FGF14: variants seen among roughly 807,000 people sequenced by gnomAD.
FGF14 encodes the protein fibroblast growth factor homologous factor 4.
In FGF14, 5 loss-of-function variants were observed where a neutral mutation model predicts 25.5. The observed-to-expected ratio is 0.20, with a 90% CI of 0.10 to 0.41. The LOEUF (loss-of-function observed/expected upper bound fraction) is 0.41. Among genes scored for constraint, FGF14 ranks in the 10% least tolerant of loss-of-function variants. The pLI is 1.00. For missense variants in FGF14, 222 were observed against 320.1 expected (o/e 0.69, Z 2.34); for synonymous variants, 138 against 118.3 (o/e 1.17, Z -1.08).
chr13:101,748,733 A>C (rs2037060502), intron 3 of FGF14, among the ~76,000 whole-genome samples: 2 of 143,084 alleles, frequency 1.4e-5, no homozygotes, highest in African/African-American at 5.1e-5. Flanking sequence ...TAAGGAAAAG[A>C]GTATGGAGGT....
At chr13:101,978,071 T>C (rs1340018955) in intron 1 of FGF14, among the ~76,000 whole-genome samples, 4 of 152,218 alleles carry the variant, frequency 2.6e-5, no homozygotes, top group Admixed American at 1.3e-4. Flanking sequence ...TCTAGGACTC[T>C]GTGATTAACT....
At chr13:102,174,093 A>G (rs1275804293) in intron 1 of FGF14, among the ~76,000 whole-genome samples, 1 of 151,828 alleles carries the variant, frequency 6.6e-6, no homozygotes, top group Non-Finnish European at 1.5e-5. Context: ...ACTTCAATAT[A>G]GTTTCAGGAT....
At chr13:102,011,974 G>A (rs550036921) in intron 1 of FGF14, among the ~76,000 whole-genome samples, 117 of 152,204 alleles carry the variant, frequency 7.7e-4, no homozygotes, top group African/African-American at 2.5e-3. Flanking sequence ...TAATAAATTC[G>A]TTCTTTTATT....
intron 1 of FGF14, among the ~76,000 whole-genome samples, chr13:102,147,014 C>T (rs2046882882): frequency 1.3e-5 from 2 of 152,152 alleles, no homozygotes; most frequent in African/African-American, 4.8e-5. Context: ...CAGTGATGCT[C>T]ATTGATGGAA....
intron 1 of FGF14, among the ~76,000 whole-genome samples, chr13:102,190,027 G>A (rs554413026): frequency 6.6e-6 from 1 of 152,248 alleles, no homozygotes; most frequent in East Asian, 1.9e-4. Context: ...ACATTTCAAC[G>A]AGATGTTGAG....
At chr13:102,005,495 A>G (rs2039735674) in intron 1 of FGF14, among the ~76,000 whole-genome samples, 1 of 152,150 alleles carries the variant, frequency 6.6e-6, no homozygotes, top group African/African-American at 2.4e-5. Context: ...CCAATATGCT[A>G]TGTATGTTTT....
intron 1 of FGF14, among the ~76,000 whole-genome samples, chr13:102,317,427 A>T (rs553829964): frequency 6.6e-6 from 1 of 152,142 alleles, no homozygotes; most frequent in Admixed American, 6.5e-5. Context: ...GAACCAACTG[A>T]TATGTTCCTT....
intron 1 of FGF14, among the ~76,000 whole-genome samples, chr13:102,040,013 AG>A (rs2139990963): frequency 1.3e-5 from 2 of 152,190 alleles, no homozygotes; most frequent in South Asian, 4.2e-4. Flanking sequence ...ATCACGTTCC[AG>A]GGCTCTAAAA....
intron 1 of FGF14, among the ~76,000 whole-genome samples, chr13:101,927,264 T>G (rs2034428416): frequency 1.3e-5 from 2 of 152,192 alleles, no homozygotes; most frequent in African/African-American, 4.8e-5. Flanking sequence ...TATATATACA[T>G]AAAATATTTG....
intron 3 of FGF14, among the ~76,000 whole-genome samples, chr13:101,833,711 T>C (rs1458698242): frequency 6.6e-6 from 1 of 152,096 alleles, no homozygotes; most frequent in African/African-American, 2.4e-5. Context: ...ATTTGCTTGA[T>C]GTTGGCTAGT....
At chr13:102,176,166 C>A (rs977880775) in intron 1 of FGF14, among the ~76,000 whole-genome samples, 1 of 152,062 alleles carries the variant, frequency 6.6e-6, no homozygotes, top group African/African-American at 2.4e-5. Flanking sequence ...TGAAGTCAAC[C>A]TAAATGTTTA....
chr13:102,190,668 T>G (rs987877338), intron 1 of FGF14, among the ~76,000 whole-genome samples: 1 of 152,076 alleles, frequency 6.6e-6, no homozygotes, highest in Non-Finnish European at 1.5e-5. Context: ...TCAATTAAAT[T>G]AATATACTCA....
Position 102,161,681 on chromosome 13 carries a change from A to AGAAGAAGAAGAAGAAGAAGAAGAAGAG in FGF14, c.208+239789_208+239790insCTCTTCTTCTTCTTCTTCTTCTTCTTC, listed in dbSNP as rs2047759519. ...AAGAAGAAGAAGAAGAAGAAGAAGA[A>AGAAGAAGAAGAAGAAGAAGAAGAAGAG]GAAGAAGAAGAAGAAGAAGAAGAAG... On this transcript the variant is annotated intron_variant, in intron 1 of 4. Transcript: ENST00000376131. Among the ~76,000 whole-genome samples, 4 of 52,178 alleles carry AGAAGAAGAAGAAGAAGAAGAAGAAGAG rather than the reference A, an allele frequency of 7.7e-5. 1 individual carries two copies. The allele number at this position is 52,178 out of a possible 152,430, so 34.2% of individuals were successfully genotyped here. A position where few individuals can be genotyped will look rare whatever the true frequency, so the allele number is the denominator to read the frequency against.
Position 101,846,697 on chromosome 13 carries a change from T to G in FGF14, c.408+22028A>C, listed in dbSNP as rs180828895. On this transcript the variant is annotated intron_variant, in intron 3 of 4. Transcript: ENST00000376143. ...CGTCTACATACTAAGATAGCCAGAG[T>G]GGCTGTTTCAGAATTTATTATATCA... Among the ~76,000 whole-genome samples, 1,061 of 152,092 alleles carry G rather than the reference T, an allele frequency of 7.0e-3. 15 individuals carry two copies. Among genetic ancestry groups the G allele is most frequent in the African/African-American group, 0.024 (997 of 41,522 alleles).
At chr13:101,797,577 CA>C (rs1231866119) in intron 3 of FGF14, among the ~76,000 whole-genome samples, 1 of 152,062 alleles carries the variant, frequency 6.6e-6, no homozygotes, top group African/African-American at 2.4e-5. Flanking sequence ...ATCATATTAG[CA>C]GGCTGACCAA....
At chr13:102,260,954 A>C (rs1400754182) in intron 1 of FGF14, among the ~76,000 whole-genome samples, 2 of 152,202 alleles carry the variant, frequency 1.3e-5, no homozygotes, top group Non-Finnish European at 2.9e-5. Flanking sequence ...CGCTATTGTG[A>C]CTGCCTCTTT....
In FGF14 at chr13:101,738,587, A is replaced by T. The variant is rs1384790547; in HGVS notation, c.409-11777T>A. On this transcript the variant is annotated intron_variant, in intron 3 of 4. Transcript: ENST00000376143. ...AGGGAGGCCAGGAAAGCAAGAAAAG[A>T]GGCAATACCTTCTGGGGAAAGAGAG... Among the ~76,000 whole-genome samples, 3 of 152,118 alleles carry T rather than the reference A, an allele frequency of 2.0e-5. No individual in the cohort carries two copies. In the East Asian group the frequency reaches 5.8e-4, roughly 29 times the overall value.
intron 1 of FGF14, among the ~76,000 whole-genome samples, chr13:102,325,493 C>T (rs900494578): frequency 3.3e-5 from 5 of 152,056 alleles, no homozygotes; most frequent in African/African-American, 7.2e-5. Context: ...ATTGTGGGCA[C>T]CGTGGTATTA....
intron 1 of FGF14, among the ~76,000 whole-genome samples, chr13:102,126,459 T>C (rs1015856029): frequency 6.6e-5 from 10 of 152,230 alleles, no homozygotes; most frequent in African/African-American, 1.7e-4. Context: ...TGTTTATTCA[T>C]TCATCTGTTG....
Sources: gnomAD v4.1 joint callset for allele counts (sites outside exome capture counted in the v4.1 genomes callset) on GRCh38, gnomAD v4.1.1 for gene constraint, MANE v1.5 for transcripts, NCBI Gene and HGNC (gene_info 2026-07-23, HGNC 2026-07-21) for gene names.